Variants in UPF3A observed in about 807,000 individuals in gnomAD.
The protein encoded by UPF3A is UPF3A regulator of nonsense mediated mRNA decay, also known as regulator of nonsense transcripts 3A.
UPF3A carries 42 observed loss-of-function variants against 53.5 expected under a neutral mutation model. The observed-to-expected ratio is 0.78, with a 90% CI of 0.61 to 1.01. The LOEUF (loss-of-function observed/expected upper bound fraction) is 1.01. Ranked by LOEUF, UPF3A falls within the 50% of genes least tolerant of loss-of-function variation. The pLI is 0.00. For missense variants in UPF3A, 575 were observed against 598.0 expected, an observed-to-expected ratio of 0.96 and a Z score of 0.40; for synonymous variants, 237 against 225.3, an observed-to-expected ratio of 1.05 and a Z score of -0.47.
intron 7 of UPF3A, among the ~76,000 whole-genome samples, chr13:114,295,362 C>T (rs541788578): frequency 2.1e-4 from 27 of 130,574 alleles, no homozygotes; most frequent in South Asian, 7.4e-4. Context: ...TCGTCTCCAG[C>T]GGCTCTGGCG....
intron 7 of UPF3A, among the ~76,000 whole-genome samples, chr13:114,293,021 G>A (rs1279147437): frequency 4.9e-5 from 7 of 143,542 alleles, no homozygotes; most frequent in African/African-American, 1.8e-4. Flanking sequence ...GCAGTGAGCC[G>A]AGATCGCGCC....
rs3993409 is a variant in UPF3A at position 114,298,969 on chromosome 13, A to T, written c.976A>T (p.Met326Leu). The change falls in exon 8 of 10, where the codon ATG (methionine) becomes TTG (leucine). Residue 326 changes from methionine (M) to leucine (L), a missense_variant. By Grantham distance (15) the Met-to-Leu change is conservative. Coordinates refer to ENST00000375299, the MANE Select transcript of UPF3A (RefSeq NM_023011.4). ...CGGTGCAGTCGTAAAAGCCAGGCCC[A>T]TGGAAGGCTCGCTGGAGGAGCCCCA... The part of the protein sequence containing the change: ...APGAVVKARP[M>L]EGSLEEPQET... 27 of 1,606,732 alleles carry T rather than the reference A, an allele frequency of 1.7e-5. No individual in the cohort carries two copies. In the East Asian group the frequency reaches 5.8e-4, roughly 35 times the overall value.
At chr13:114,297,648 A>T (rs1437303046) in intron 7 of UPF3A, among the ~76,000 whole-genome samples, 1 of 151,910 alleles carries the variant, frequency 6.6e-6, no homozygotes, top group African/African-American at 2.4e-5. Context: ...GGCCAACATG[A>T]TGAAATCCCA....
At chr13:114,288,628 C>T (rs796639569) in intron 5 of UPF3A, among the ~76,000 whole-genome samples, 9 of 152,202 alleles carry the variant, frequency 5.9e-5, no homozygotes, top group African/African-American at 2.2e-4. Context: ...ATTATTTGTC[C>T]CCGTCACTTT....
intron 3 of UPF3A, 142 bp from the exon 4 acceptor site, chr13:114,286,160 C>G (rs2084666912): frequency 6.5e-6 from 7 of 1,072,238 alleles, no homozygotes; most frequent in Non-Finnish European, 9.1e-6. Context: ...TAATCTCTTA[C>G]TGGAAGGATG....
At chr13:114,294,835 GACC>G in intron 7 of UPF3A, among the ~76,000 whole-genome samples, 1 of 135,540 alleles carries the variant, frequency 7.4e-6, no homozygotes, top group East Asian at 2.3e-4. Context: ...AAAAAGGCTG[GACC>G]GCGGTGGCTC....
At chr13:114,290,356 T>G (rs2085150745) in intron 5 of UPF3A, among the ~76,000 whole-genome samples, 2 of 152,232 alleles carry the variant, frequency 1.3e-5, no homozygotes, top group Admixed American at 6.5e-5. Context: ...TCTCCTATGA[T>G]TCCTGATTCA....
chr13:114,284,025 T>C, intron 3 of UPF3A: 1 of 985,482 alleles, frequency 1.0e-6, no homozygotes, highest in Admixed American at 6.1e-5. Flanking sequence ...TTGTGTTCAT[T>C]GCTCATTTAT....
intron 5 of UPF3A, among the ~76,000 whole-genome samples, chr13:114,288,205 G>C (rs1196232323): frequency 6.6e-6 from 1 of 152,258 alleles, no homozygotes; most frequent in Non-Finnish European, 1.5e-5. Flanking sequence ...GTGGTAAGCA[G>C]GTTGCACAAG....
At chr13:114,282,741 AAAG>A in intron 2 of UPF3A, 93 bp from the exon 3 acceptor site, 1 of 1,521,158 alleles carries the variant, frequency 6.6e-7, no homozygotes, top group Non-Finnish European at 8.8e-7. Context: ...AGTTTTATCT[AAAG>A]TAGTTTGTTG....
At chr13:114,288,001 C>T (rs1029259700) in intron 5 of UPF3A, among the ~76,000 whole-genome samples, 1 of 152,160 alleles carries the variant, frequency 6.6e-6, no homozygotes. Flanking sequence ...AGATGGGTTT[C>T]ACCATGTTGG....
At chr13:114,296,613 G>C (rs1324740557) in intron 7 of UPF3A, among the ~76,000 whole-genome samples, 7 of 152,104 alleles carry the variant, frequency 4.6e-5, no homozygotes, top group Non-Finnish European at 8.8e-5. Context: ...AATCTGAGGA[G>C]AGGCCATCGG....
chr13:114,303,834 G>C (rs2086808617), intron 9 of UPF3A, among the ~76,000 whole-genome samples: 1 of 152,194 alleles, frequency 6.6e-6, no homozygotes, highest in African/African-American at 2.4e-5. Flanking sequence ...GCTCCAGGCA[G>C]CCTGTCCAGG....
intron 5 of UPF3A, 98 bp from the exon 6 acceptor site, chr13:114,291,391 G>A: frequency 8.6e-7 from 1 of 1,162,034 alleles, no homozygotes; most frequent in Non-Finnish European, 1.2e-6. Context: ...GTAATGATAT[G>A]GTTCCCGTAT....
At chr13:114,301,640 C>G (rs1172088788) in intron 8 of UPF3A, 91 bp from the exon 9 acceptor site, 1 of 1,351,644 alleles carries the variant, frequency 7.4e-7, no homozygotes, top group Non-Finnish European at 1.0e-6. Context: ...CGCATGGGTC[C>G]CTGTTGTCTG....
intron 5 of UPF3A, among the ~76,000 whole-genome samples, chr13:114,288,417 G>C (rs1447147912): frequency 6.6e-6 from 1 of 152,182 alleles, no homozygotes; most frequent in Non-Finnish European, 1.5e-5. Flanking sequence ...GATGAGCTGA[G>C]CCTGGCCGTG....
chr13:114,283,861 C>T, intron 3 of UPF3A: 1 of 985,466 alleles, frequency 1.0e-6, no homozygotes, highest in Non-Finnish European at 1.2e-6. Flanking sequence ...CCTCCCCTCC[C>T]CAGCCACCCT....
intron 9 of UPF3A, among the ~76,000 whole-genome samples, chr13:114,302,600 G>C (rs2086692166): frequency 6.6e-6 from 1 of 152,152 alleles, no homozygotes; most frequent in African/African-American, 2.4e-5. Context: ...GGGCTGCCTA[G>C]GGTTCCAGTT....
chr13:114,291,196 A>G (rs2085239643), intron 5 of UPF3A, among the ~76,000 whole-genome samples: 1 of 152,232 alleles, frequency 6.6e-6, no homozygotes, highest in Non-Finnish European at 1.5e-5. Context: ...GATGTATCAA[A>G]ATAAATATAT....
Sources: gnomAD v4.1 joint callset for allele counts (sites outside exome capture counted in the v4.1 genomes callset) on GRCh38, gnomAD v4.1.1 for gene constraint, MANE v1.5 for transcripts, NCBI Gene and HGNC (gene_info 2026-07-23, HGNC 2026-07-21) for gene names.